Variants in JCAD observed in about 807,000 individuals in gnomAD.
The protein encoded by JCAD is junctional cadherin 5 associated.
JCAD carries 40 observed loss-of-function variants against 98.0 expected under a neutral mutation model. That is an observed-to-expected ratio of 0.41 (90% confidence interval 0.32 to 0.53). The LOEUF (loss-of-function observed/expected upper bound fraction) is 0.53, where lower values mean the gene tolerates loss of function less well. Among genes scored for constraint, JCAD ranks in the 20% least tolerant of loss-of-function variants. The probability of loss-of-function intolerance (pLI) is 0.31; values close to 1 mark genes in which losing one functional copy is unlikely to be tolerated. For missense variants in JCAD, 1,705 were observed against 1,738.1 expected (o/e 0.98, Z 0.34); for synonymous variants, 691 against 682.3 (o/e 1.01, Z -0.20).
intron 3 of JCAD, among the ~76,000 whole-genome samples, chr10:30,019,250 G>A (rs574538940): frequency 2.0e-5 from 3 of 151,594 alleles, no homozygotes; most frequent in African/African-American, 4.9e-5. Flanking sequence ...CCAGCTACTC[G>A]GGAGGCTGAG....
chr10:30,075,016 C>G (rs1392885354), intron 1 of JCAD, among the ~76,000 whole-genome samples: 3 of 152,132 alleles, frequency 2.0e-5, no homozygotes, highest in African/African-American at 7.2e-5. Flanking sequence ...GATCTTCAAC[C>G]CTGGTCTCAA....
chr10:30,026,806 G>A lies in JCAD; in HGVS notation c.3342C>T (p.Pro1114=), dbSNP rs749124718. 2 of 1,613,880 alleles carry A rather than the reference G, an allele frequency of 1.2e-6. No homozygotes were observed. The highest frequency in any genetic ancestry group is 1.7e-6 in the Non-Finnish European group (2 of 1,180,042). Residue 1114 remains proline (P), a synonymous_variant, in exon 3 of 4, where the codon CCC becomes CCT. Transcript: ENST00000375377. ...RRAGQNQPAE[P]DASACTPESP... is the part of the protein sequence containing the mutation. The stretch of plus-strand genomic sequence containing the variant: ...ACTCTGGGGTGCAGGCACTTGCATC[G>A]GGCTCAGCAGGCTGGTTCTGTCCCG...
At chr10:30,055,918 C>T (rs1335615582) in intron 1 of JCAD, among the ~76,000 whole-genome samples, 1 of 151,852 alleles carries the variant, frequency 6.6e-6, no homozygotes, top group Non-Finnish European at 1.5e-5. Flanking sequence ...TTTCTTTCCA[C>T]AACTAATGTG....
rs558801103 is a variant in JCAD at position 30,029,104 on chromosome 10, C to T, written c.1044G>A (p.Ser348=). The part of the protein sequence containing the change: ...PVYVPPPSYR[S]PPQNIPNPYL... ...AGGGGTTTGGGATGTTCTGCGGGGG[C>T]GATCTGTATGAGGGCGGAGGCACGT... is the stretch of plus-strand genomic sequence containing the variant. The change falls in exon 3 of 4, where the codon TCG becomes TCA. Residue 348 remains serine (S), a synonymous_variant. Transcript: ENST00000375377. 5.0e-5 allele frequency: 80 copies of T among 1,614,082 alleles called. 1 individual carries two copies. Among genetic ancestry groups the T allele is most frequent in the African/African-American group, 2.0e-4 (15 of 75,026 alleles).
chr10:30,018,259 T>C (rs1836578773), intron 3 of JCAD, among the ~76,000 whole-genome samples: 1 of 151,992 alleles, frequency 6.6e-6, no homozygotes, highest in Non-Finnish European at 1.5e-5. Flanking sequence ...TTAAGGTAGA[T>C]GTCTTATCTT....
chr10:30,092,982 C>T (rs1161628145), intron 1 of JCAD, among the ~76,000 whole-genome samples: 1 of 152,002 alleles, frequency 6.6e-6, no homozygotes, highest in African/African-American at 2.4e-5. Flanking sequence ...GAAAAGACGG[C>T]AGAATGCTCT....
At position 30,028,183 on chromosome 10, in the gene JCAD, T is replaced by A; in HGVS notation, c.1965A>T (p.Pro655=). ...TEFQKQDLGE[P]EEDRQTNDLS... ...GGTCATTTGTTTGTCTGTCTTCTTC[T>A]GGTTCCCCTAGATCTTGTTTTTGGA... The change falls in exon 3 of 4, where the codon CCA becomes CCT. Residue 655 remains proline, a synonymous_variant. Coordinates refer to ENST00000375377, the MANE Select transcript of JCAD (RefSeq NM_020848.4). The A allele has an allele frequency of 6.2e-7, 1 of 1,614,234 alleles. No individual in the cohort carries two copies. Among genetic ancestry groups the A allele is most frequent in the Non-Finnish European group, 8.5e-7 (1 of 1,180,042 alleles).
At position 30,028,701 on chromosome 10, in the gene JCAD, G is replaced by C. The variant is rs1166659566; in HGVS notation, c.1447C>G (p.Pro483Ala). The change falls in exon 3 of 4, where the codon CCG becomes GCG. Residue 483 changes from proline to alanine, a missense_variant. Physicochemically the swap from Pro to Ala is conservative, Grantham distance 27. This residue lies in a region of JCAD where 1,278 missense variants were observed against 1,243.1 expected (regional missense o/e 1.03). Coordinates refer to ENST00000375377, the MANE Select transcript of JCAD (RefSeq NM_020848.4). ...AIWNPQSLIP[P>A]SGDERGLVLA... Reference sequence around the variant, plus strand: ...ACCAGGCCTCTCTCATCCCCCGACGGGGGTATTAAGCTCTGTGGATTCCAA... The same window carrying C: ...ACCAGGCCTCTCTCATCCCCCGACGCGGGTATTAAGCTCTGTGGATTCCAA... The C allele has an allele frequency of 2.5e-6, 4 of 1,611,272 alleles. No individual in the cohort carries two copies. Among genetic ancestry groups the C allele is most frequent in the African/African-American group, 2.7e-5 (2 of 74,764 alleles).
At chr10:30,079,982 A>T (rs1838053573) in intron 1 of JCAD, among the ~76,000 whole-genome samples, 1 of 152,198 alleles carries the variant, frequency 6.6e-6, no homozygotes, top group South Asian at 2.1e-4. Flanking sequence ...AATGATAAAG[A>T]ATATCTATAT....
intron 2 of JCAD, among the ~76,000 whole-genome samples, chr10:30,036,689 G>T (rs548080349): frequency 6.6e-6 from 1 of 152,358 alleles, no homozygotes; most frequent in Admixed American, 6.5e-5. Context: ...TCTGTGGGAA[G>T]TGAGACAAAC....
intron 1 of JCAD, among the ~76,000 whole-genome samples, chr10:30,104,217 A>C (rs1838525249): frequency 6.6e-6 from 1 of 152,230 alleles, no homozygotes; most frequent in Non-Finnish European, 1.5e-5. Context: ...AAGCAATTTC[A>C]CAAGGGGCTT....
At chr10:30,026,076 C>T in intron 3 of JCAD, 27 bp downstream of exon 3, 1 of 1,613,630 alleles carries the variant, frequency 6.2e-7, no homozygotes, top group South Asian at 1.1e-5. Flanking sequence ...GTATACTGAG[C>T]ACCTGCCTGT....
At chr10:30,042,674 C>T (rs1232378983) in intron 2 of JCAD, among the ~76,000 whole-genome samples, 1 of 149,298 alleles carries the variant, frequency 6.7e-6, no homozygotes, top group Non-Finnish European at 1.5e-5. Context: ...GGGGAATAAC[C>T]CACAATCCAG....
At chr10:30,021,481 C>T (rs1460286203) in intron 3 of JCAD, among the ~76,000 whole-genome samples, 1 of 152,158 alleles carries the variant, frequency 6.6e-6, no homozygotes, top group Non-Finnish European at 1.5e-5. Flanking sequence ...CATGAGCCGC[C>T]ATGCCCAACC....
rs989548142 is a variant in JCAD, at chr10:30,027,219, T to G, written c.2929A>C (p.Arg977=). 1.2e-6 allele frequency: 2 copies of G among 1,614,182 alleles called. No individual in the cohort carries two copies. Among genetic ancestry groups the G allele is most frequent in the Non-Finnish European group, 1.7e-6 (2 of 1,180,034 alleles). The change falls in exon 3 of 4, where the codon AGA becomes CGA. Residue 977 remains arginine (R), a synonymous_variant. Coordinates refer to ENST00000375377, the MANE Select transcript of JCAD (RefSeq NM_020848.4). ...GCGTCACTTGATCTTGAAGACATTC[T>G]CGTCACAGGAAATGGGCTACCTGCC... ...ELAGSPFPVT[R]MSSRSSDAKP...
At chr10:30,076,405 A>C (rs1837981325) in intron 1 of JCAD, among the ~76,000 whole-genome samples, 1 of 152,186 alleles carries the variant, frequency 6.6e-6, no homozygotes, top group African/African-American at 2.4e-5. Flanking sequence ...TTATCTGATC[A>C]AAATAGTTAC....
chr10:30,074,468 G>A (rs180689779), intron 1 of JCAD, among the ~76,000 whole-genome samples: 8 of 152,328 alleles, frequency 5.3e-5, no homozygotes, highest in Non-Finnish European at 7.3e-5. Context: ...GGTTGCTGCT[G>A]ATGTACCCTG....
rs1255154415 is a variant in JCAD, at chr10:30,044,452, G to C, written c.281+3080C>G. ...CCTCAACCAAGAAACTGCAGAAGAG[G>C]AACTCTCGTGACCCTTCCCAATCAC... On this transcript the variant is annotated intron_variant, in intron 2 of 3. Transcript: ENST00000375377. Among the ~76,000 whole-genome samples the C allele has an allele frequency of 2.0e-5, 3 of 152,242 alleles. No individual in the cohort carries two copies. In the East Asian group the frequency reaches 5.8e-4, roughly 29 times the overall value.
chr10:30,034,372 C>T (rs1837070607), intron 2 of JCAD, among the ~76,000 whole-genome samples: 1 of 152,140 alleles, frequency 6.6e-6, no homozygotes, highest in Non-Finnish European at 1.5e-5. Context: ...TGAGGTAAGA[C>T]ATTTGCCACT....
Sources: allele counts gnomAD v4.1 joint callset (sites outside exome capture counted in the v4.1 genomes callset), GRCh38; gene constraint gnomAD v4.1.1; regional missense constraint gnomAD v4.1.1; transcripts MANE v1.5; gene names NCBI Gene and HGNC (gene_info 2026-07-23, HGNC 2026-07-21).